CATSPERE: variants seen among roughly 807,000 people sequenced by gnomAD.
CATSPERE encodes catsper channel auxiliary subunit epsilon, also known as cation channel sperm-associated auxiliary subunit epsilon.
Under a neutral mutation model 114.1 loss-of-function variants are expected in CATSPERE, and 93 were observed. The ratio of observed to expected loss-of-function variants is 0.81; its 90% confidence interval spans 0.69 to 0.97. The LOEUF (loss-of-function observed/expected upper bound fraction) is 0.97, where lower values mean the gene tolerates loss of function less well. Among genes scored for constraint, CATSPERE ranks in the 50% least tolerant of loss-of-function variants. CATSPERE has a pLI of 0.00. For synonymous variants in CATSPERE, 341 were observed against 384.1 expected (o/e 0.89, Z 1.31); for missense variants, 1,058 against 1,131.6 (o/e 0.93, Z 0.93).
chr1:244,497,711 C>T (rs1433928719), intron 6 of CATSPERE, among the ~76,000 whole-genome samples: 3 of 152,182 alleles, frequency 2.0e-5, no homozygotes, highest in African/African-American at 7.2e-5. Flanking sequence ...GCAGGAAAAT[C>T]ACTTGAACCC....
At chr1:244,471,723 C>T (rs1178942255) in intron 2 of CATSPERE, among the ~76,000 whole-genome samples, 2 of 152,142 alleles carry the variant, frequency 1.3e-5, no homozygotes, top group Non-Finnish European at 2.9e-5. Context: ...AACTTCATTC[C>T]TTTTTATTGC....
intron 5 of CATSPERE, among the ~76,000 whole-genome samples, chr1:244,481,349 G>A (rs1429390876): frequency 6.6e-6 from 1 of 152,166 alleles, no homozygotes; most frequent in Non-Finnish European, 1.5e-5. Context: ...TACTCGGGAG[G>A]CTGAGGGAGG....
intron 20 of CATSPERE, among the ~76,000 whole-genome samples, chr1:244,621,224 TATAA>T (rs1433074596): frequency 9.6e-6 from 1 of 104,014 alleles, no homozygotes; most frequent in Non-Finnish European, 1.8e-5. Flanking sequence ...TATATATTTA[TATAA>T]ATATATTTAT....
intron 6 of CATSPERE, among the ~76,000 whole-genome samples, chr1:244,490,734 G>A (rs185305359): frequency 4.6e-5 from 7 of 151,996 alleles, no homozygotes; most frequent in East Asian, 1.9e-4. Flanking sequence ...AAGGAGCAGA[G>A]ATGATTATCC....
chr1:244,635,543 G>A lies in CATSPERE; in HGVS notation c.2702+1G>A, dbSNP rs1674527748. ...TAGAGACATTTGGACTGATTCCCAG[G>A]TAAGGAGCAGGGCCTAACTGGACTT... On this transcript the variant is annotated splice_donor_variant, in intron 21 of 21. Transcript: ENST00000366534. LOFTEE classifies it high-confidence loss of function. 2 of 1,610,704 alleles carry A rather than the reference G, an allele frequency of 1.2e-6. No homozygotes were observed. The highest frequency in any genetic ancestry group is 1.7e-6 in the Non-Finnish European group (2 of 1,177,374).
intron 13 of CATSPERE, among the ~76,000 whole-genome samples, chr1:244,585,925 G>T (rs1338974722): frequency 6.6e-6 from 1 of 152,188 alleles, no homozygotes. Context: ...ACTTTCCCTG[G>T]GAGGGGTGAC....
At chr1:244,494,156 T>A (rs2148248743) in intron 6 of CATSPERE, among the ~76,000 whole-genome samples, 1 of 152,224 alleles carries the variant, frequency 6.6e-6, no homozygotes, top group South Asian at 2.1e-4. Context: ...TGCACACGTA[T>A]GTTTATTGCG....
At chr1:244,509,135 T>C (rs1034907431) in intron 7 of CATSPERE, among the ~76,000 whole-genome samples, 2 of 152,118 alleles carry the variant, frequency 1.3e-5, no homozygotes, top group African/African-American at 2.4e-5. Context: ...GCATCCTTCA[T>C]CCTTGTTTTG....
intron 2 of CATSPERE, 108 bp downstream of exon 2, chr1:244,464,064 T>G (rs1667219476): frequency 1.2e-6 from 1 of 819,590 alleles, no homozygotes; most frequent in South Asian, 1.6e-5. Context: ...GTCACTCTTC[T>G]GTTTCGTTTC....
At chr1:244,639,860 T>C (rs1449341032) in intron 21 of CATSPERE, 68 bp from the exon 22 acceptor site, 5 of 1,425,246 alleles carry the variant, frequency 3.5e-6, no homozygotes, top group Non-Finnish European at 2.8e-6. Flanking sequence ...AAAAAGTGTT[T>C]AAATAAATTA....
chr1:244,566,652 CTTTTTTTTTTTTTTTTTTTTTT>C (rs59466928), intron 10 of CATSPERE, among the ~76,000 whole-genome samples: 1 of 49,070 alleles, frequency 2.0e-5, no homozygotes, highest in Non-Finnish European at 7.0e-5. Flanking sequence ...GCAACCCCTG[CTTTTTTTTTTTTTTTTTTTTTT>C]TTTTTTTTTT....
At chr1:244,621,325 T>TAAA (rs1558611656) in intron 20 of CATSPERE, among the ~76,000 whole-genome samples, 92 of 11,748 alleles carry the variant, frequency 7.8e-3, no homozygotes, top group Middle Eastern at 0.091. Context: ...AATATATATA[T>TAAA]ATATATATAT....
chr1:244,530,840 T>C (rs1201215844), intron 8 of CATSPERE, among the ~76,000 whole-genome samples: 3 of 152,202 alleles, frequency 2.0e-5, no homozygotes, highest in Non-Finnish European at 4.4e-5. Context: ...GAAATGCTAC[T>C]GATTTTTATA....
intron 2 of CATSPERE, among the ~76,000 whole-genome samples, chr1:244,477,245 G>A (rs1477266197): frequency 3.9e-5 from 6 of 152,154 alleles, no homozygotes; most frequent in South Asian, 2.1e-4. Context: ...ATCCACCTGC[G>A]TCGGCCTCCC....
intron 10 of CATSPERE, among the ~76,000 whole-genome samples, chr1:244,567,215 G>A (rs186813001): frequency 5.3e-5 from 8 of 152,304 alleles, no homozygotes; most frequent in African/African-American, 1.7e-4. Context: ...AGAGAGATCT[G>A]CTGTGAGTCT....
At chr1:244,452,312 G>A (rs564269064), upstream of CATSPERE, among the ~76,000 whole-genome samples, 1 of 152,378 alleles carries the variant, frequency 6.6e-6, no homozygotes, top group South Asian at 2.1e-4. Context: ...GTATTCTGGG[G>A]CCACTGTGTC....
intron 8 of CATSPERE, among the ~76,000 whole-genome samples, chr1:244,522,483 T>C (rs1677743541): frequency 6.6e-6 from 1 of 151,690 alleles, no homozygotes; most frequent in African/African-American, 2.4e-5. Flanking sequence ...ATAACTAAAA[T>C]CAGAGCAGAA....
rs950996468 is a variant in CATSPERE, at chr1:244,588,416, G to A, written c.2086-66G>A. On this transcript the variant is annotated intron_variant, in intron 13 of 21. Coordinates refer to ENST00000366534, the MANE Select transcript of CATSPERE (RefSeq NM_001130957.2). ...TAAATCTAAAATGCAATTGGTTTTAGCTGTAATATTTTAGATCATATGAAT... is the reference window on the plus strand; with the variant it reads ...TAAATCTAAAATGCAATTGGTTTTAACTGTAATATTTTAGATCATATGAAT... 8.4e-6 allele frequency: 10 copies of A among 1,187,064 alleles called. No individual in the cohort carries two copies. The African/African-American group carries it at 1.5e-4, about 18-fold the overall frequency. 73.5% of individuals were successfully genotyped at this position (1,187,064 alleles called of 1,614,324 possible).
intron 20 of CATSPERE, among the ~76,000 whole-genome samples, chr1:244,628,299 G>T (rs920105732): frequency 6.6e-6 from 1 of 152,140 alleles, no homozygotes; most frequent in African/African-American, 2.4e-5. Flanking sequence ...AGGGGGACTA[G>T]TGCATGGTAT....
Sources: gnomAD v4.1 joint callset for allele counts (sites outside exome capture counted in the v4.1 genomes callset) on GRCh38, gnomAD v4.1.1 for gene constraint, MANE v1.5 for transcripts, NCBI Gene and HGNC (gene_info 2026-07-23, HGNC 2026-07-21) for gene names.